The following USP40 variants were observed in gnomAD, a reference collection of about 807,000 sequenced individuals.
USP40 encodes ubiquitin carboxyl-terminal hydrolase 40.
In USP40, 143 loss-of-function variants were observed where a neutral mutation model predicts 166.2. That is an observed-to-expected ratio of 0.86 (90% CI 0.75 to 0.99). The LOEUF (loss-of-function observed/expected upper bound fraction) is 0.99, where lower values mean the gene tolerates loss of function less well. Ranked by LOEUF, USP40 falls within the 50% of genes least tolerant of loss-of-function variation. The pLI is 0.00. For synonymous variants in USP40, 498 were observed against 524.0 expected (o/e 0.95, Z 0.68); for missense variants, 1,444 against 1,479.7 (o/e 0.98, Z 0.40).
intron 24 of USP40, among the ~76,000 whole-genome samples, chr2:233,496,087 GT>G (rs1355482292): frequency 6.6e-6 from 1 of 152,238 alleles, no homozygotes; most frequent in Admixed American, 6.5e-5. Context: ...CAGAGAAAAG[GT>G]GTAGGAGTGA....
At chr2:233,554,301 C>G in intron 6 of USP40, 79 bp downstream of exon 6, 1 of 1,400,896 alleles carries the variant, frequency 7.1e-7, no homozygotes, top group Non-Finnish European at 9.4e-7. Flanking sequence ...CAAGTATATC[C>G]TCGAGACTTT....
chr2:233,520,293 A>G (rs2125209735), intron 17 of USP40, among the ~76,000 whole-genome samples: 1 of 152,310 alleles, frequency 6.6e-6, no homozygotes. Context: ...GGACTTCACC[A>G]AAGTCTCTCA....
intron 5 of USP40, chr2:233,556,584 T>A (rs2071119473): frequency 4.9e-6 from 1 of 204,016 alleles, no homozygotes; most frequent in Admixed American, 5.8e-5. Flanking sequence ...GAGGCCACAG[T>A]CTTCTATTTG....
chr2:233,559,753 CA>C, intron 4 of USP40, 57 bp downstream of exon 4: 1 of 1,230,592 alleles, frequency 8.1e-7, no homozygotes, highest in Non-Finnish European at 1.1e-6. Flanking sequence ...AACATTAAAC[CA>C]GCCTTATTCT....
At position 233,561,105 on chromosome 2, in the gene USP40, TAAA is replaced by T. The variant is rs200139615; in HGVS notation, c.268-1184_268-1182del. The T allele has an allele frequency of 3.3e-6, 5 of 1,536,728 alleles. No homozygotes were observed. In the South Asian group the frequency reaches 3.6e-5, roughly 11 times the overall value. On this transcript the variant is annotated intron_variant, in intron 3 of 31. Transcript: ENST00000678225. ...TGAACAAGCCACTTAATTCCTTCTT[TAAA>T]AAAAATTTTCTGAATACGCTAAAAC...
chr2:233,521,666 T>C (rs376423021), intron 16 of USP40, among the ~76,000 whole-genome samples: 12 of 152,314 alleles, frequency 7.9e-5, no homozygotes, highest in East Asian at 3.9e-4. Context: ...GTGCCTTCTT[T>C]CTAATTCACA....
At chr2:233,535,968 T>G (rs1302279184) in intron 10 of USP40, among the ~76,000 whole-genome samples, 2 of 152,200 alleles carry the variant, frequency 1.3e-5, no homozygotes, top group Non-Finnish European at 2.9e-5. Flanking sequence ...ATTTGCAAAT[T>G]AAAACATCAA....
intron 5 of USP40, 50 bp downstream of exon 5, chr2:233,556,805 G>C: frequency 6.6e-7 from 1 of 1,509,764 alleles, no homozygotes. Flanking sequence ...TAATTACATG[G>C]ATTATAATTT....
At chr2:233,541,226 T>C (rs2069381878) in intron 9 of USP40, among the ~76,000 whole-genome samples, 1 of 152,204 alleles carries the variant, frequency 6.6e-6, no homozygotes. Context: ...TCCCCAAAAT[T>C]CATATGTTGA....
chr2:233,545,244 T>C (rs2069801391), intron 8 of USP40, among the ~76,000 whole-genome samples: 1 of 152,168 alleles, frequency 6.6e-6, no homozygotes, highest in African/African-American at 2.4e-5. Flanking sequence ...GACAACGGGA[T>C]AAGAGATTTA....
intron 21 of USP40, among the ~76,000 whole-genome samples, chr2:233,505,101 A>C (rs1244400787): frequency 1.3e-5 from 2 of 152,128 alleles, no homozygotes; most frequent in Admixed American, 1.3e-4. Context: ...AGAACCAATA[A>C]GTCAATGAAG....
At chr2:233,555,972 C>G (rs2071045220) in intron 5 of USP40, among the ~76,000 whole-genome samples, 1 of 151,632 alleles carries the variant, frequency 6.6e-6, no homozygotes, top group Non-Finnish European at 1.5e-5. Context: ...AAAAATTAGC[C>G]AGGCATGGTG....
intron 5 of USP40, among the ~76,000 whole-genome samples, chr2:233,554,996 C>T (rs2070929687): frequency 6.6e-6 from 1 of 152,078 alleles, no homozygotes; most frequent in Admixed American, 6.6e-5. Context: ...ATATGGCCAG[C>T]CTGGCCAATA....
chr2:233,478,049 C>T lies in USP40; in HGVS notation c.3600-546G>A, dbSNP rs373777790. On this transcript the variant is annotated intron_variant, in intron 31 of 31. Transcript: ENST00000678225. ...CAGCCTGATGTGTGTGGCCCACCCA[C>T]GCTGCACAGTCCCCGACAGAAAGCC... 1.6e-4 allele frequency among the ~76,000 whole-genome samples: 25 copies of T among 152,398 alleles called. 2 individuals carry two copies. In the East Asian group the frequency reaches 2.9e-3, roughly 18 times the overall value.
intron 27 of USP40, among the ~76,000 whole-genome samples, chr2:233,488,957 G>A (rs142169597): frequency 1.2e-4 from 18 of 152,032 alleles, no homozygotes; most frequent in African/African-American, 2.4e-4. Context: ...AGAAAGAAAC[G>A]AGAAAGAAAG....
At chr2:233,500,574 C>T (rs1559229751) in intron 21 of USP40, among the ~76,000 whole-genome samples, 1 of 151,980 alleles carries the variant, frequency 6.6e-6, no homozygotes, top group East Asian at 1.9e-4. Flanking sequence ...ATAAGGAAGT[C>T]ACTGCTGTAC....
intron 31 of USP40, among the ~76,000 whole-genome samples, chr2:233,479,575 A>T (rs905641020): frequency 6.6e-6 from 1 of 151,900 alleles, no homozygotes; most frequent in Admixed American, 6.6e-5. Context: ...AAAAAAAAAA[A>T]ATTTGGAAAA....
At chr2:233,504,831 C>T (rs2066308471) in intron 21 of USP40, among the ~76,000 whole-genome samples, 1 of 151,928 alleles carries the variant, frequency 6.6e-6, no homozygotes, top group South Asian at 2.1e-4. Context: ...AAACATTAAA[C>T]TTAAACTTCA....
chr2:233,560,876 T>A (rs2071524986), intron 3 of USP40: 3 of 597,816 alleles, frequency 5.0e-6, no homozygotes, highest in Non-Finnish European at 9.1e-6. Context: ...GGGAAGCTAA[T>A]GTGGATGTTC....
Sources: gnomAD v4.1 joint callset for allele counts (sites outside exome capture counted in the v4.1 genomes callset) on GRCh38, gnomAD v4.1.1 for gene constraint, MANE v1.5 for transcripts, NCBI Gene and HGNC (gene_info 2026-07-23, HGNC 2026-07-21) for gene names.